The following MED16 variants were observed in gnomAD, a reference collection of about 807,000 sequenced individuals.
MED16 encodes the protein mediator complex subunit 16, also known as mediator of RNA polymerase II transcription subunit 16.
MED16 carries 81 observed loss-of-function variants against 84.4 expected under a neutral mutation model. The ratio of observed to expected loss-of-function variants is 0.96; its 90% CI spans 0.80 to 1.15. The LOEUF (loss-of-function observed/expected upper bound fraction) is 1.15, where lower values mean the gene tolerates loss of function less well. Among genes scored for constraint, MED16 ranks in the 50% most tolerant of loss-of-function variants. The pLI is 0.00. For missense variants in MED16, 1,585 were observed against 1,245.9 expected (o/e 1.27, Z -4.10); for synonymous variants, 897 against 552.2 (o/e 1.62, Z -8.76).
chr19:878,916 A>AGCCCCG (rs141014120), intron 8 of MED16, among the ~76,000 whole-genome samples: 1,824 of 79,580 alleles, frequency 0.023, 77 homozygotes, highest in East Asian at 0.039. Flanking sequence ...AATGTCCACC[A>AGCCCCG]GCCCCGGCCC....
chr19:868,550 T>G (rs759882318), intron 14 of MED16, 51 bp from the exon 15 acceptor site: 1 of 1,594,546 alleles, frequency 6.3e-7, no homozygotes. Context: ...CGGGCCTCCC[T>G]TACGCCTGCC....
intron 6 of MED16, among the ~76,000 whole-genome samples, chr19:882,937 A>C (rs912480537): frequency 7.2e-5 from 11 of 152,172 alleles, no homozygotes; most frequent in Admixed American, 3.3e-4. Flanking sequence ...AGTGGCTGAG[A>C]CGCCCAGAGG....
Position 872,961 on chromosome 19 carries a change from A to AG in MED16, c.1905+487dup, listed in dbSNP as rs752407418. 4.8e-4 allele frequency: 396 copies of AG among 832,134 alleles called. 30 individuals carry two copies. Among genetic ancestry groups the AG allele is most frequent in the Middle Eastern group, 5.8e-4 (1 of 1,718 alleles). The allele number at this position is 832,134 out of a possible 1,614,324, so 51.5% of individuals were successfully genotyped here. ...GGCTCCGAGGTGGGGGAGGGCTCCG[A>AG]GGTGGGGCAGGGCTCCGAGGTGGGG... On this transcript the variant is annotated intron_variant, in intron 11 of 15. Transcript: ENST00000325464.
chr19:876,854 C>T, intron 9 of MED16, 120 bp downstream of exon 9: 1 of 942,032 alleles, frequency 1.1e-6, no homozygotes, highest in Admixed American at 3.0e-5. Flanking sequence ...ACAGCCCCAC[C>T]TGGCACGGGA....
At position 880,159 on chromosome 19, in the gene MED16, C is replaced by G; in HGVS notation, c.1142-11G>C. 6.2e-7 allele frequency: 1 copy of G among 1,603,388 alleles called. No homozygotes were observed. Among genetic ancestry groups the G allele is most frequent in the Non-Finnish European group, 8.5e-7 (1 of 1,177,450 alleles). Reference sequence around the variant, plus strand: ...AGGCCAGGGCCAGCCCTGTGGGGCACAGGCACTGCTTAGACATGGGCAGGG... The same window carrying G: ...AGGCCAGGGCCAGCCCTGTGGGGCAGAGGCACTGCTTAGACATGGGCAGGG... On this transcript the variant is annotated splice_polypyrimidine_tract_variant and intron_variant, in intron 7 of 15. Transcript: ENST00000325464.
intron 6 of MED16, among the ~76,000 whole-genome samples, chr19:883,405 G>A (rs965224039): frequency 6.9e-5 from 10 of 144,820 alleles, no homozygotes; most frequent in Non-Finnish European, 7.6e-5. Context: ...GGCGGGGACC[G>A]AAGCCTGGCA....
At chr19:891,654 G>C (rs935652862) in intron 1 of MED16, among the ~76,000 whole-genome samples, 1 of 148,164 alleles carries the variant, frequency 6.7e-6, no homozygotes, top group Admixed American at 6.7e-5. Flanking sequence ...CTGTGGCCGA[G>C]GCGGGGGCTG....
Position 891,055 on chromosome 19 carries a change from T to C in MED16, c.77A>G (p.Lys26Arg), listed in dbSNP as rs760562564. ...AYVCEWEKWS[K>R]STHCPSVPLA... ...GGGCACCGATGGGCAGTGGGTGCTC[T>C]TGGACCATTTCTCCCACTCACAGAC... Residue 26 changes from lysine to arginine, a missense_variant, in exon 2 of 16, where the codon AAG (lysine) becomes AGG (arginine). Transcript: ENST00000325464. 5.0e-6 allele frequency: 8 copies of C among 1,614,010 alleles called. No homozygotes were observed. In the East Asian group the frequency reaches 1.6e-4, roughly 31 times the overall value.
At chr19:874,501 C>T (rs1337020541) in intron 10 of MED16, among the ~76,000 whole-genome samples, 2 of 152,082 alleles carry the variant, frequency 1.3e-5, no homozygotes, top group South Asian at 2.1e-4. Context: ...TAGGACACCA[C>T]GTGCTGGGTG....
chr19:878,956 C>G (rs2036340710), intron 8 of MED16, among the ~76,000 whole-genome samples: 1 of 140,094 alleles, frequency 7.1e-6, no homozygotes. Flanking sequence ...GGCCGCAGCT[C>G]CACGTGCCCC....
chr19:883,832 G>A (rs989262715), intron 6 of MED16, among the ~76,000 whole-genome samples: 6 of 152,078 alleles, frequency 3.9e-5, no homozygotes, highest in African/African-American at 1.4e-4. Flanking sequence ...GACTCACCAC[G>A]AGGCCCAGGG....
intron 4 of MED16, among the ~76,000 whole-genome samples, chr19:887,825 A>C (rs2036556029): frequency 6.6e-6 from 1 of 151,964 alleles, no homozygotes; most frequent in South Asian, 2.1e-4. Context: ...GCAGATCCAG[A>C]GAGACAACTG....
chr19:881,151 A>T (rs1378316471), intron 7 of MED16, among the ~76,000 whole-genome samples: 1 of 152,128 alleles, frequency 6.6e-6, no homozygotes, highest in Non-Finnish European at 1.5e-5. Context: ...ACAGCTGAGC[A>T]AATAGGGTAG....
At chr19:876,154 T>C (rs2036224042) in intron 9 of MED16, among the ~76,000 whole-genome samples, 1 of 152,130 alleles carries the variant, frequency 6.6e-6, no homozygotes, top group Admixed American at 6.5e-5. Flanking sequence ...TTTCCCATTT[T>C]ATCTTCGTAT....
rs1344444717 is a variant in MED16 at position 889,646 on chromosome 19, C to T, written c.439G>A (p.Val147Met). The change falls in exon 4 of 16, where the codon GTG (valine) becomes ATG (methionine). Residue 147 changes from valine to methionine, a missense_variant. Transcript: ENST00000325464. ...TCGGGCAGGACACTCACCTTCTCCA[C>T]GTGCAGGGCCAGTTTCACACCATTG... ...LHNGVKLALH[V>M]EKSGASSFGE... 1.9e-6 allele frequency: 3 copies of T among 1,609,614 alleles called. No individual in the cohort carries two copies. The highest frequency in any genetic ancestry group is 2.5e-6 in the Non-Finnish European group (3 of 1,176,574).
chr19:872,603 G>C (rs890417188), intron 11 of MED16, among the ~76,000 whole-genome samples: 14 of 151,554 alleles, frequency 9.2e-5, no homozygotes, highest in African/African-American at 3.1e-4. Context: ...ATGAAGCCGG[G>C]TGGGTGGGGC....
intron 7 of MED16, among the ~76,000 whole-genome samples, chr19:880,462 G>A (rs924926806): frequency 2.0e-5 from 3 of 152,198 alleles, no homozygotes; most frequent in African/African-American, 7.2e-5. Flanking sequence ...ACAGGTGGGG[G>A]ACCAAGGGTT....
intron 9 of MED16, among the ~76,000 whole-genome samples, chr19:876,679 A>G (rs924726324): frequency 6.9e-4 from 105 of 151,898 alleles, no homozygotes; most frequent in African/African-American, 2.5e-3. Context: ...TCCGCCTGCC[A>G]TAGAGCCCCC....
At chr19:883,412 G>T (rs1319028237) in intron 6 of MED16, among the ~76,000 whole-genome samples, 1 of 144,856 alleles carries the variant, frequency 6.9e-6, no homozygotes, top group East Asian at 2.0e-4. Context: ...ACCGAAGCCT[G>T]GCACGGTGGG....
Sources: allele counts gnomAD v4.1 joint callset (sites outside exome capture counted in the v4.1 genomes callset), GRCh38; gene constraint gnomAD v4.1.1; transcripts MANE v1.5; gene names NCBI Gene and HGNC (gene_info 2026-07-23, HGNC 2026-07-21).